The following CACNA1E variants were observed in gnomAD, a reference collection of about 807,000 sequenced individuals.
CACNA1E encodes voltage-dependent R-type calcium channel subunit alpha-1E.
CACNA1E carries 40 observed loss-of-function variants against 259.2 expected under a neutral mutation model. The ratio of observed to expected loss-of-function variants is 0.15; its 90% CI spans 0.12 to 0.20. CACNA1E has a LOEUF of 0.20. Among genes scored for constraint, CACNA1E ranks in the 10% least tolerant of loss-of-function variants. The pLI is 1.00. For synonymous variants in CACNA1E, 1,104 were observed against 1,138.5 expected (o/e 0.97, Z 0.61); for missense variants, 1,874 against 3,040.1 (o/e 0.62, Z 9.02).
At chr1:181,428,703 G>C (rs1659487939) in intron 2 of CACNA1E, among the ~76,000 whole-genome samples, 1 of 152,200 alleles carries the variant, frequency 6.6e-6, no homozygotes, top group Admixed American at 6.5e-5. Flanking sequence ...AGTTGTCTCA[G>C]GGAGGTGCCT....
At chr1:181,777,673 G>A (rs747236623) in intron 38 of CACNA1E, among the ~76,000 whole-genome samples, 1 of 152,196 alleles carries the variant, frequency 6.6e-6, no homozygotes, top group Non-Finnish European at 1.5e-5. Flanking sequence ...TTCTTTACCT[G>A]TAAAATGGTG....
intron 6 of CACNA1E, among the ~76,000 whole-genome samples, chr1:181,644,703 A>C (rs1311479764): frequency 6.6e-6 from 1 of 152,182 alleles, no homozygotes; most frequent in Non-Finnish European, 1.5e-5. Flanking sequence ...GACTGCTCTT[A>C]GGAGTTACCT....
chr1:181,470,614 C>T lies in CACNA1E; in HGVS notation c.435-13130C>T, dbSNP rs568061734. 1.2e-4 allele frequency among the ~76,000 whole-genome samples: 19 copies of T among 152,206 alleles called. 1 individual carries two copies. In the South Asian group the frequency reaches 3.9e-3, roughly 32 times the overall value. ...AACCAAGGAGAGGACATTTGGGGAC[C>T]TTCTATGATTGATTTTTGTCTGTGC... On this transcript the variant is annotated intron_variant, in intron 2 of 11. Coordinates refer to the CACNA1E transcript ENST00000524607.
chr1:181,336,839 C>G (rs1415214534), intron 1 of CACNA1E, among the ~76,000 whole-genome samples: 2 of 151,914 alleles, frequency 1.3e-5, no homozygotes, highest in Non-Finnish European at 2.9e-5. Flanking sequence ...CTTTTGTGAT[C>G]AGCTTATTTC....
intron 7 of CACNA1E, among the ~76,000 whole-genome samples, chr1:181,698,395 G>T (rs1651916526): frequency 6.6e-6 from 1 of 152,166 alleles, no homozygotes. Context: ...CGCCATGACT[G>T]GTGCCTTGGT....
At chr1:181,715,265 C>T in intron 8 of CACNA1E, 73 bp from the exon 9 acceptor site, 1 of 895,298 alleles carries the variant, frequency 1.1e-6, no homozygotes, top group South Asian at 1.4e-5. Flanking sequence ...TGAAGTTGTC[C>T]CTGAGGGATT....
At chr1:181,731,824 G>A (rs1655508239) in intron 19 of CACNA1E, among the ~76,000 whole-genome samples, 1 of 152,028 alleles carries the variant, frequency 6.6e-6, no homozygotes, top group South Asian at 2.1e-4. Context: ...TTGTGGAAGA[G>A]ACTCCTAGCA....
chr1:181,640,241 C>T (rs1415604367), intron 6 of CACNA1E, among the ~76,000 whole-genome samples: 1 of 152,136 alleles, frequency 6.6e-6, no homozygotes, highest in African/African-American at 2.4e-5. Context: ...CCTCATAGGG[C>T]CATCTTGGAG....
At chr1:181,725,243 G>A (rs142394721) in intron 17 of CACNA1E, among the ~76,000 whole-genome samples, 4 of 152,324 alleles carry the variant, frequency 2.6e-5, no homozygotes, top group African/African-American at 7.2e-5. Context: ...ACATCCTTGA[G>A]GGTCTTCTTA....
intron 3 of CACNA1E, among the ~76,000 whole-genome samples, chr1:181,542,534 A>C (rs932865057): frequency 6.6e-6 from 1 of 152,034 alleles, no homozygotes; most frequent in African/African-American, 2.4e-5. Flanking sequence ...TGTTCTCATG[A>C]TAGTGAGTGA....
intron 1 of CACNA1E, among the ~76,000 whole-genome samples, chr1:181,324,271 G>A (rs1376016107): frequency 2.0e-5 from 3 of 152,150 alleles, no homozygotes; most frequent in Non-Finnish European, 2.9e-5. Flanking sequence ...AAATCAGACC[G>A]TAATGAATGG....
chr1:181,736,187 C>T, intron 21 of CACNA1E, 88 bp from the exon 22 acceptor site: 1 of 1,472,338 alleles, frequency 6.8e-7, no homozygotes, highest in South Asian at 1.4e-5. Context: ...CCTTTCTCCT[C>T]CTCTCCTTTC....
At chr1:181,609,355 C>G (rs1172880883) in intron 6 of CACNA1E, among the ~76,000 whole-genome samples, 6 of 152,142 alleles carry the variant, frequency 3.9e-5, no homozygotes, top group African/African-American at 1.4e-4. Context: ...TCCTTTCAAG[C>G]CTCTTGCTTT....
chr1:181,562,621 G>T (rs999308779), intron 3 of CACNA1E, among the ~76,000 whole-genome samples: 3 of 152,156 alleles, frequency 2.0e-5, no homozygotes, highest in South Asian at 2.1e-4. Context: ...GTTAATTTGC[G>T]TAGCTGGCAA....
chr1:181,658,662 G>T (rs1033756591), intron 7 of CACNA1E, among the ~76,000 whole-genome samples: 2 of 152,186 alleles, frequency 1.3e-5, no homozygotes, highest in African/African-American at 4.8e-5. Context: ...CTGGGAGATG[G>T]TCTGCACAGA....
chr1:181,753,319 C>T (rs138316062), intron 27 of CACNA1E, among the ~76,000 whole-genome samples: 2 of 152,356 alleles, frequency 1.3e-5, no homozygotes, highest in Non-Finnish European at 2.9e-5. Context: ...GCCAGACTCC[C>T]TGTGGGAGGG....
At chr1:181,784,854 G>T (rs1417686536) in intron 41 of CACNA1E, 86 bp downstream of exon 41, 1 of 782,662 alleles carries the variant, frequency 1.3e-6, no homozygotes, top group Non-Finnish European at 2.1e-6. Context: ...AGTGATCAAA[G>T]AGATAAGGAA....
intron 7 of CACNA1E, among the ~76,000 whole-genome samples, chr1:181,706,559 T>C (rs1355903109): frequency 2.0e-5 from 3 of 152,236 alleles, no homozygotes; most frequent in African/African-American, 4.8e-5. Flanking sequence ...TCTAGGTCTT[T>C]AATAACCCAA....
intron 7 of CACNA1E, among the ~76,000 whole-genome samples, chr1:181,667,411 T>C (rs560954088): frequency 1.4e-4 from 22 of 152,236 alleles, no homozygotes; most frequent in East Asian, 7.7e-4. Flanking sequence ...ACATGAATAA[T>C]AGAAGAAGAA....
Sources: gnomAD v4.1 joint callset for allele counts (sites outside exome capture counted in the v4.1 genomes callset) on GRCh38, gnomAD v4.1.1 for gene constraint, MANE v1.5 for transcripts, NCBI Gene and HGNC (gene_info 2026-07-23, HGNC 2026-07-21) for gene names.